Variants in NELL2 observed in about 807,000 individuals in gnomAD.
NELL2 encodes the protein neural EGFL like 2, also known as protein kinase C-binding protein NELL2.
A neutral mutation model predicts 109.6 loss-of-function variants in NELL2; 41 were observed. The observed-to-expected ratio is 0.37, with a 90% CI of 0.29 to 0.49. The LOEUF (loss-of-function observed/expected upper bound fraction) is 0.49, where lower values mean the gene tolerates loss of function less well. NELL2 is among the 20% of genes least tolerant of loss of function. NELL2 has a pLI of 0.98. For missense variants in NELL2, 900 were observed against 1,008.3 expected, an observed-to-expected ratio of 0.89 and a Z score of 1.45; for synonymous variants, 355 against 344.7, an observed-to-expected ratio of 1.03 and a Z score of -0.33.
intron 3 of NELL2, among the ~76,000 whole-genome samples, chr12:44,805,901 TG>T (rs1253090693): frequency 6.6e-6 from 1 of 151,906 alleles, no homozygotes. Flanking sequence ...ATGCAGTAAT[TG>T]TCCAAAATTG....
chr12:44,674,663 C>A (rs1948248817), intron 12 of NELL2, among the ~76,000 whole-genome samples: 1 of 152,060 alleles, frequency 6.6e-6, no homozygotes, highest in Non-Finnish European at 1.5e-5. Context: ...GACATTAAAG[C>A]ATTTGGAAGA....
At chr12:44,637,398 C>T (rs1946680365) in intron 13 of NELL2, among the ~76,000 whole-genome samples, 1 of 149,546 alleles carries the variant, frequency 6.7e-6, no homozygotes, top group Non-Finnish European at 1.5e-5. Context: ...GTGGTGAAAA[C>T]ATACTCACCT....
intron 9 of NELL2, among the ~76,000 whole-genome samples, chr12:44,758,801 T>G (rs575112153): frequency 6.6e-6 from 1 of 152,218 alleles, no homozygotes; most frequent in African/African-American, 2.4e-5. Flanking sequence ...TTCCACCTCA[T>G]GACTGAAATT....
chr12:44,574,653 T>A (rs1373821887), intron 15 of NELL2, among the ~76,000 whole-genome samples: 1 of 152,170 alleles, frequency 6.6e-6, no homozygotes, highest in African/African-American at 2.4e-5. Flanking sequence ...TATAAGATGA[T>A]ATTTATAGCA....
At chr12:44,588,115 C>T (rs1944604433) in intron 15 of NELL2, among the ~76,000 whole-genome samples, 1 of 151,458 alleles carries the variant, frequency 6.6e-6, no homozygotes. Context: ...TTGCAGTGAG[C>T]CGAGATCATC....
intron 12 of NELL2, among the ~76,000 whole-genome samples, chr12:44,703,233 T>TA (rs1937654959): frequency 1.3e-5 from 2 of 152,194 alleles, no homozygotes; most frequent in African/African-American, 2.4e-5. Flanking sequence ...TTTTAAAAAT[T>TA]AACTAGAAAA....
At chr12:44,745,217 C>T (rs904693840) in intron 9 of NELL2, among the ~76,000 whole-genome samples, 5 of 151,952 alleles carry the variant, frequency 3.3e-5, no homozygotes, top group African/African-American at 4.8e-5. Flanking sequence ...ATTATCTCAA[C>T]AGATGCAGAA....
intron 15 of NELL2, among the ~76,000 whole-genome samples, chr12:44,535,278 G>C (rs116035320): frequency 0.011 from 1,629 of 151,898 alleles, 34 homozygotes; most frequent in African/African-American, 0.037. Flanking sequence ...CCTATTGTAA[G>C]TCAAAAAATC....
chr12:44,903,105 A>G (rs1057306856), intron 1 of NELL2, among the ~76,000 whole-genome samples: 4 of 152,228 alleles, frequency 2.6e-5, no homozygotes, highest in Non-Finnish European at 5.9e-5. Flanking sequence ...ATCAGAGTGA[A>G]CAGGCAATCT....
At chr12:44,618,682 C>T (rs1945925493) in intron 13 of NELL2, among the ~76,000 whole-genome samples, 1 of 152,000 alleles carries the variant, frequency 6.6e-6, no homozygotes, top group African/African-American at 2.4e-5. Flanking sequence ...ATCTGTGACC[C>T]CAAGGAACTT....
intron 3 of NELL2, among the ~76,000 whole-genome samples, chr12:44,812,103 T>C (rs1452846897): frequency 6.6e-6 from 1 of 152,192 alleles, no homozygotes; most frequent in East Asian, 1.9e-4. Context: ...CACTGTCAGT[T>C]GGAAGTGACT....
At chr12:44,579,845 A>C (rs1484443665) in intron 15 of NELL2, among the ~76,000 whole-genome samples, 1 of 152,134 alleles carries the variant, frequency 6.6e-6, no homozygotes. Context: ...TACCTCAATT[A>C]CCTCATCTCT....
chr12:44,513,359 CA>C (rs1592050235), intron 19 of NELL2, among the ~76,000 whole-genome samples: 1 of 151,854 alleles, frequency 6.6e-6, no homozygotes, highest in East Asian at 1.9e-4. Context: ...TATCATCCAT[CA>C]TATCCAATAT....
chr12:44,705,835 A>C (rs1937847268), intron 11 of NELL2, among the ~76,000 whole-genome samples: 1 of 152,248 alleles, frequency 6.6e-6, no homozygotes, highest in African/African-American at 2.4e-5. Context: ...GTACTGTTTC[A>C]AACAACTTTC....
At chr12:44,792,680 T>C (rs1200156197) in intron 3 of NELL2, among the ~76,000 whole-genome samples, 1 of 152,146 alleles carries the variant, frequency 6.6e-6, no homozygotes, top group Non-Finnish European at 1.5e-5. Context: ...TATTGACGTA[T>C]AGATCTGCCA....
At chr12:44,863,974 G>A (rs1381910387) in intron 2 of NELL2, among the ~76,000 whole-genome samples, 1 of 151,890 alleles carries the variant, frequency 6.6e-6, no homozygotes, top group Non-Finnish European at 1.5e-5. Context: ...TCAAAGTTAA[G>A]TTGTTATCAG....
intron 3 of NELL2, among the ~76,000 whole-genome samples, chr12:44,784,308 C>G (rs1942078662): frequency 6.7e-6 from 1 of 149,778 alleles, no homozygotes; most frequent in Admixed American, 6.7e-5. Flanking sequence ...AAGCTCTGGT[C>G]AGTGCAATAA....
At chr12:44,896,784 G>A (rs1945597969) in intron 1 of NELL2, among the ~76,000 whole-genome samples, 1 of 152,130 alleles carries the variant, frequency 6.6e-6, no homozygotes, top group South Asian at 2.1e-4. Flanking sequence ...TCAGATGGAT[G>A]ACACACCAGA....
chr12:44,739,641 A>G (rs1179902514), intron 9 of NELL2, among the ~76,000 whole-genome samples: 1 of 152,240 alleles, frequency 6.6e-6, no homozygotes, highest in Non-Finnish European at 1.5e-5. Context: ...CTGTAATCTC[A>G]GCAAGTTGGG....
Sources: gnomAD v4.1 joint callset for allele counts (sites outside exome capture counted in the v4.1 genomes callset) on GRCh38, gnomAD v4.1.1 for gene constraint, MANE v1.5 for transcripts, NCBI Gene and HGNC (gene_info 2026-07-23, HGNC 2026-07-21) for gene names.